The following PROZ variants were observed in gnomAD, a reference collection of about 807,000 sequenced individuals.
PROZ encodes the protein protein Z, vitamin K dependent plasma glycoprotein.
In PROZ, 46 loss-of-function variants were observed where a neutral mutation model predicts 34.9. The ratio of observed to expected loss-of-function variants is 1.32; its 90% CI spans 1.04 to 1.69. The LOEUF (loss-of-function observed/expected upper bound fraction) is 1.69, where lower values mean the gene tolerates loss of function less well. Ranked by LOEUF, PROZ falls within the 40% of genes most tolerant of loss-of-function variation. The probability of loss-of-function intolerance (pLI) is 0.00; values close to 1 mark genes in which losing one functional copy is unlikely to be tolerated. For missense variants in PROZ, 530 were observed against 520.4 expected (o/e 1.02, Z -0.18); for synonymous variants, 195 against 208.5 (o/e 0.94, Z 0.56).
At chr13:113,164,975 G>C in intron 5 of PROZ, 78 bp from the exon 6 acceptor site, 6 of 1,396,458 alleles carry the variant, frequency 4.3e-6, no homozygotes, top group Non-Finnish European at 5.1e-6. Context: ...ATTATGCAAC[G>C]GTTAACACCA....
At chr13:113,166,222 T>C (rs1187300727) in intron 6 of PROZ, 1 of 152,242 alleles carries the variant, frequency 6.6e-6, no homozygotes, top group African/African-American at 2.4e-5. Context: ...TAAAAGCATG[T>C]GAAATTTGGA....
At position 113,171,664 on chromosome 13, in the gene PROZ, C is replaced by G; in HGVS notation, c.762C>G (p.Asp254Glu). ...ITHVHVHMRY[D>E]ADAGENDLSL... Reference sequence around the variant, plus strand: ...ACGTCCATGTGCACATGCGGTATGACGCGGACGCGGGGGAGAATGACCTGT... The same window carrying G: ...ACGTCCATGTGCACATGCGGTATGAGGCGGACGCGGGGGAGAATGACCTGT... The change falls in exon 8 of 8, where the codon GAC becomes GAG. Residue 254 changes from aspartate to glutamate, a missense_variant. Asp to Glu is a conservative substitution (Grantham distance 45, BLOSUM62 2). Coordinates refer to ENST00000375547, the MANE Select transcript of PROZ (RefSeq NM_003891.3). The surrounding 1 kb of genome is among the most constrained non-coding windows in gnomAD (Gnocchi z 5.1). The G allele has an allele frequency of 1.9e-6, 3 of 1,614,070 alleles. No individual in the cohort carries two copies. Among genetic ancestry groups the G allele is most frequent in the Non-Finnish European group, 2.5e-6 (3 of 1,180,028 alleles).
intron 4 of PROZ, among the ~76,000 whole-genome samples, chr13:113,163,966 CT>C (rs34345554): frequency 0.17 from 24,452 of 145,434 alleles, 2,500 homozygotes; most frequent in South Asian, 0.45. Flanking sequence ...CTCATGGAGT[CT>C]TTTTTTTTTT....
intron 4 of PROZ, among the ~76,000 whole-genome samples, chr13:113,164,282 T>A (rs1363974129): frequency 6.6e-6 from 1 of 151,994 alleles, no homozygotes; most frequent in Non-Finnish European, 1.5e-5. Context: ...CCGGCCTCAC[T>A]CACGGAGTCT....
intron 4 of PROZ, among the ~76,000 whole-genome samples, chr13:113,163,383 C>T (rs1266474601): frequency 6.6e-6 from 1 of 152,136 alleles, no homozygotes; most frequent in African/African-American, 2.4e-5. Context: ...CTCTCCTCCC[C>T]CCACCACCTC....
At chr13:113,160,304 A>G in intron 2 of PROZ, 127 bp downstream of exon 2, 5 of 1,211,956 alleles carry the variant, frequency 4.1e-6, no homozygotes, top group Non-Finnish European at 6.1e-6. Flanking sequence ...GGTTGACACA[A>G]TCCCAGTTTT....
intron 6 of PROZ, among the ~76,000 whole-genome samples, chr13:113,168,815 A>G (rs1278311779): frequency 1.2e-4 from 18 of 152,048 alleles, no homozygotes; most frequent in Admixed American, 2.6e-4. Context: ...TGCAGCCTCA[A>G]CCTCCTGGGT....
rs2037112092 is a variant in PROZ, at chr13:113,171,560, A to C, written c.692-34A>C. The stretch of plus-strand genomic sequence containing the variant: ...AGCATTATGTCCCCTTGAAAATCAG[A>C]CTGTAAAGAACTGACGATTGTTCAT... On this transcript the variant is annotated intron_variant, in intron 7 of 7. Transcript: ENST00000375547. This position sits in a 1 kb window ranked among gnomAD's most constrained non-coding sequence, Gnocchi z 5.1. 3.1e-6 allele frequency: 5 copies of C among 1,613,634 alleles called. No individual in the cohort carries two copies. Among genetic ancestry groups the C allele is most frequent in the Non-Finnish European group, 3.4e-6 (4 of 1,179,948 alleles).
In PROZ at chr13:113,159,919, C is replaced by G; in HGVS notation, c.71-95C>G. ...TGAGAGCCTGTGGAGACGGACGGGGCTGGGGCTGGCGGCCGGCCGGGGAGG... is the reference window on the plus strand; with the variant it reads ...TGAGAGCCTGTGGAGACGGACGGGGGTGGGGCTGGCGGCCGGCCGGGGAGG... On this transcript the variant is annotated intron_variant, in intron 1 of 7. Coordinates refer to ENST00000375547, the MANE Select transcript of PROZ (RefSeq NM_003891.3). The surrounding 1 kb of genome is among the most constrained non-coding windows in gnomAD (Gnocchi z 4.6). 2.0e-6 allele frequency: 3 copies of G among 1,467,022 alleles called. No homozygotes were observed. The highest frequency in any genetic ancestry group is 2.9e-6 in the Non-Finnish European group (3 of 1,049,334). 90.9% of individuals were successfully genotyped at this position (1,467,022 alleles called of 1,614,324 possible).
At chr13:113,162,900 T>TCCTCCC in intron 3 of PROZ, 109 bp from the exon 4 acceptor site, 2 of 240,438 alleles carry the variant, frequency 8.3e-6, no homozygotes, top group South Asian at 6.0e-5. Context: ...CACCCCCCAC[T>TCCTCCC]CCATCCTCCT....
chr13:113,160,175 A>T lies in PROZ; in HGVS notation c.232A>T (p.Thr78Ser). The T allele has an allele frequency of 6.2e-7, 1 of 1,614,056 alleles. No homozygotes were observed. Among genetic ancestry groups the T allele is most frequent in the Non-Finnish European group, 8.5e-7 (1 of 1,180,004 alleles). ...AGAAGTGTTTGAAAATGAAGTAGTCACTGTATGTACCCCCACCACAAACCA... is the reference window on the plus strand; with the variant it reads ...AGAAGTGTTTGAAAATGAAGTAGTCTCTGTATGTACCCCCACCACAAACCA... ...AREVFENEVV[T>S]DEFWRRYKGG... Residue 78 changes from threonine (T) to serine (S), a missense_variant and splice_region_variant, in exon 2 of 8, where the codon ACT becomes TCT. Physicochemically the swap from Thr to Ser is moderately conservative, Grantham distance 58. Transcript: ENST00000375547.
At position 113,164,740 on chromosome 13, in the gene PROZ, T is replaced by C. The variant is rs901296759; in HGVS notation, c.505+96T>C. 27 of 1,554,080 alleles carry C rather than the reference T, an allele frequency of 1.7e-5. 1 individual carries two copies. Among genetic ancestry groups the C allele is most frequent in the East Asian group, 2.4e-5 (1 of 41,890 alleles). On this transcript the variant is annotated intron_variant, in intron 5 of 7. Coordinates refer to ENST00000375547, the MANE Select transcript of PROZ (RefSeq NM_003891.3). ...GTAGTACTGGGTGAAGCCCGCGGAT[T>C]TGTGATAAGCAGTTGCCACGACTCA...
chr13:113,163,266 T>C, intron 4 of PROZ, 144 bp downstream of exon 4: 1 of 727,818 alleles, frequency 1.4e-6, no homozygotes, highest in Non-Finnish European at 2.4e-6. Context: ...CCCCAGGGGA[T>C]TCCTCTCATC....
At chr13:113,167,782 T>A (rs182276425) in intron 6 of PROZ, among the ~76,000 whole-genome samples, 3 of 152,250 alleles carry the variant, frequency 2.0e-5, no homozygotes, top group African/African-American at 7.2e-5. Flanking sequence ...CATTTTACAT[T>A]TATTGTAATT....
intron 3 of PROZ, 58 bp from the exon 4 acceptor site, chr13:113,162,951 T>G: frequency 6.2e-6 from 3 of 484,468 alleles, no homozygotes; most frequent in Non-Finnish European, 1.1e-5. Context: ...CCCACCCTCC[T>G]CCTGCTCAGG....
At chr13:113,163,982 TTTTTA>T (rs1210611300) in intron 4 of PROZ, among the ~76,000 whole-genome samples, 3 of 134,644 alleles carry the variant, frequency 2.2e-5, no homozygotes, top group East Asian at 4.2e-4. Context: ...TTTTTTTTAA[TTTTTA>T]TTTTATTTTT....
Position 113,158,791 on chromosome 13 carries a change from G to A in PROZ, c.70+61G>A. ...CTGTGTCTTTCTTGACTCGGTCCAT[G>A]GTGGATTTGTAGATGAGGCTTTTTC... is the stretch of plus-strand genomic sequence containing the variant. On this transcript the variant is annotated intron_variant, in intron 1 of 7. Transcript: ENST00000375547. This position sits in a 1 kb window ranked among gnomAD's most constrained non-coding sequence, Gnocchi z 4.3. The A allele has an allele frequency of 6.7e-7, 1 of 1,500,814 alleles. No individual in the cohort carries two copies. Among genetic ancestry groups the A allele is most frequent in the Non-Finnish European group, 9.1e-7 (1 of 1,103,112 alleles). 93.0% of individuals were successfully genotyped at this position (1,500,814 alleles called of 1,614,324 possible). A position where few individuals can be genotyped will look rare whatever the true frequency, so the allele number is the denominator to read the frequency against.
rs535651487 is a variant in PROZ at position 113,159,151 on chromosome 13, T to C, written c.70+421T>C. 129 of 1,377,208 alleles carry C rather than the reference T, an allele frequency of 9.4e-5. 2 individuals are homozygous for C. In the African/African-American group the frequency reaches 1.7e-3, roughly 18 times the overall value. 85.3% of individuals were successfully genotyped at this position (1,377,208 alleles called of 1,614,324 possible). ...ATGCCCAGTCTTGAGTCAGGAGACA[T>C]AGCCAGGGAGCAGCCACCCTGCCTG... On this transcript the variant is annotated intron_variant, in intron 1 of 7. Transcript: ENST00000375547. The surrounding 1 kb of genome is among the most constrained non-coding windows in gnomAD (Gnocchi z 4.6).
At chr13:113,164,727 G>T in intron 5 of PROZ, 83 bp downstream of exon 5, 1 of 1,572,858 alleles carries the variant, frequency 6.4e-7, no homozygotes, top group Non-Finnish European at 8.6e-7. Context: ...AGTACTGGGT[G>T]AAGCCCGCGG....
Sources: gnomAD v4.1 joint callset for allele counts (sites outside exome capture counted in the v4.1 genomes callset) on GRCh38, gnomAD v4.1.1 for gene constraint, Gnocchi (gnomAD v3.1) non-coding constraint, MANE v1.5 for transcripts, NCBI Gene and HGNC (gene_info 2026-07-23, HGNC 2026-07-21) for gene names.